The following HMGA2 variants were observed in gnomAD, a reference collection of about 807,000 sequenced individuals.
HMGA2 encodes the protein high mobility group AT-hook 2.
A neutral mutation model predicts 19.1 loss-of-function variants in HMGA2; 8 were observed. That is an observed-to-expected ratio of 0.42 (90% CI 0.25 to 0.76). The LOEUF is 0.76. Among genes scored for constraint, HMGA2 ranks in the 30% least tolerant of loss-of-function variants. The pLI, the probability that HMGA2 is intolerant of heterozygous loss-of-function variation, is 0.28. For synonymous variants in HMGA2, 60 were observed against 48.8 expected (o/e 1.23, Z -0.96); for missense variants, 109 against 136.3 (o/e 0.80, Z 1.00).
chr12:65,881,838 C>G (rs1472060198), intron 3 of HMGA2: 1 of 703,020 alleles, frequency 1.4e-6, no homozygotes, highest in South Asian at 1.5e-5. Flanking sequence ...ACATTCCCTT[C>G]CTTGAACTGC....
At chr12:65,888,053 C>A (rs912676010) in intron 3 of HMGA2, among the ~76,000 whole-genome samples, 1 of 152,110 alleles carries the variant, frequency 6.6e-6, no homozygotes, top group Non-Finnish European at 1.5e-5. Flanking sequence ...CACACACAAA[C>A]CCCCTAGCCA....
rs1876907338 is a variant in HMGA2 at position 65,966,284 on chromosome 12, A to G, written c.*2992A>G. 1 of 186,136 alleles carries G rather than the reference A, an allele frequency of 5.4e-6. No individual in the cohort carries two copies. Among genetic ancestry groups the G allele is most frequent in the African/African-American group, 2.3e-5 (1 of 42,674 alleles). 11.5% of individuals were successfully genotyped at this position (186,136 alleles called of 1,614,324 possible). On this transcript the variant is annotated 3_prime_UTR_variant, in exon 5 of 5. Transcript: ENST00000403681. ...ATTAAATGAGTAATAAAGTTTGGTCAAAACAGATCAAGGAGGGAGACACTC... is the reference window on the plus strand; with the variant it reads ...ATTAAATGAGTAATAAAGTTTGGTCGAAACAGATCAAGGAGGGAGACACTC...
At chr12:65,963,224 T>C (rs1307900668) in intron 4 of HMGA2, 21 bp from the exon 5 acceptor site, 8 of 1,612,976 alleles carry the variant, frequency 5.0e-6, no homozygotes, top group Non-Finnish European at 6.8e-6. Flanking sequence ...GCGTCATGGC[T>C]GTGCCCTTTG....
chr12:65,940,723 G>A (rs1466620251), intron 3 of HMGA2, among the ~76,000 whole-genome samples: 2 of 152,100 alleles, frequency 1.3e-5, no homozygotes, highest in Admixed American at 6.5e-5. Context: ...ATACAACCTG[G>A]GTGGGTGTTA....
chr12:65,886,909 T>G (rs1295430311), intron 3 of HMGA2, among the ~76,000 whole-genome samples: 1 of 152,238 alleles, frequency 6.6e-6, no homozygotes, highest in Non-Finnish European at 1.5e-5. Flanking sequence ...CCACATTTTC[T>G]GTTTTATTCA....
intron 3 of HMGA2, among the ~76,000 whole-genome samples, chr12:65,898,840 C>T (rs1284823654): frequency 6.6e-6 from 1 of 151,834 alleles, no homozygotes; most frequent in Non-Finnish European, 1.5e-5. Context: ...GTCAGGAGAT[C>T]GAGACCATCC....
intron 3 of HMGA2, among the ~76,000 whole-genome samples, chr12:65,940,149 C>T (rs1454825040): frequency 4.6e-5 from 7 of 151,736 alleles, no homozygotes; most frequent in Admixed American, 1.3e-4. Flanking sequence ...ACATTTATCA[C>T]GGATATTTTA....
chr12:65,861,038 A>T (rs1183953975), intron 3 of HMGA2, among the ~76,000 whole-genome samples: 2 of 152,174 alleles, frequency 1.3e-5, no homozygotes, highest in African/African-American at 4.8e-5. Flanking sequence ...TTTTCTTCAA[A>T]ATTAAGAAAA....
intron 3 of HMGA2, among the ~76,000 whole-genome samples, chr12:65,918,947 C>A (rs1875205505): frequency 6.6e-6 from 1 of 152,086 alleles, no homozygotes; most frequent in Non-Finnish European, 1.5e-5. Context: ...TTTCAAAGCA[C>A]CTTGAGATGT....
intron 3 of HMGA2, among the ~76,000 whole-genome samples, chr12:65,929,713 C>T (rs928167610): frequency 6.6e-6 from 1 of 152,022 alleles, no homozygotes; most frequent in South Asian, 2.1e-4. Context: ...GCACCTTACA[C>T]GAAACACTTT....
chr12:65,871,973 G>T (rs1872731735), intron 3 of HMGA2, among the ~76,000 whole-genome samples: 1 of 152,180 alleles, frequency 6.6e-6, no homozygotes, highest in Non-Finnish European at 1.5e-5. Flanking sequence ...CTTGGGTTTA[G>T]GGGTCTGTGG....
At chr12:65,911,038 G>A (rs907970869) in intron 3 of HMGA2, among the ~76,000 whole-genome samples, 31 of 152,182 alleles carry the variant, frequency 2.0e-4, no homozygotes, top group African/African-American at 6.0e-4. Flanking sequence ...CAATGGGCAA[G>A]ATCTTTGAGA....
chr12:65,901,877 AAC>A (rs548690865), intron 3 of HMGA2, among the ~76,000 whole-genome samples: 1 of 152,120 alleles, frequency 6.6e-6, no homozygotes, highest in African/African-American at 2.4e-5. Context: ...AACAAAATAA[AAC>A]ACACACACAC....
intron 3 of HMGA2, among the ~76,000 whole-genome samples, chr12:65,882,694 A>G (rs570510257): frequency 5.4e-4 from 83 of 152,354 alleles, no homozygotes; most frequent in African/African-American, 1.9e-3. Context: ...GTGACAATTA[A>G]ATGAGAAAGC....
chr12:65,895,160 G>A (rs1370425536), intron 3 of HMGA2, among the ~76,000 whole-genome samples: 3 of 152,132 alleles, frequency 2.0e-5, no homozygotes, highest in African/African-American at 7.2e-5. Flanking sequence ...TTTCAGCCTA[G>A]GAGAAAGGGG....
chr12:65,940,657 C>G (rs562124729), intron 3 of HMGA2, among the ~76,000 whole-genome samples: 18 of 152,032 alleles, frequency 1.2e-4, no homozygotes, highest in Admixed American at 7.2e-4. Context: ...AATAATTGCC[C>G]AAAATACTTT....
At chr12:65,917,282 G>C (rs960674853) in intron 3 of HMGA2, among the ~76,000 whole-genome samples, 3 of 152,206 alleles carry the variant, frequency 2.0e-5, no homozygotes, top group African/African-American at 7.2e-5. Context: ...GAGGCCGTGA[G>C]AATGTTGAGA....
chr12:65,827,020 A>C (rs1448835795), intron 1 of HMGA2: 6 of 152,186 alleles, frequency 3.9e-5, no homozygotes, highest in Non-Finnish European at 7.3e-5. Flanking sequence ...AATTAGTCTC[A>C]CTTAATCACC....
intron 3 of HMGA2, among the ~76,000 whole-genome samples, chr12:65,895,001 T>C (rs1874066230): frequency 6.6e-6 from 1 of 152,180 alleles, no homozygotes; most frequent in Admixed American, 6.5e-5. Context: ...AATCCACCGG[T>C]ACCAGTAAAA....
Sources: gnomAD v4.1 joint callset for allele counts (sites outside exome capture counted in the v4.1 genomes callset) on GRCh38, gnomAD v4.1.1 for gene constraint, MANE v1.5 for transcripts, NCBI Gene and HGNC (gene_info 2026-07-23, HGNC 2026-07-21) for gene names.